Variants in RC3H1 observed in about 807,000 individuals in gnomAD.
RC3H1 encodes ring finger and CCCH-type domains 1, also known as roquin-1.
In RC3H1, 50 loss-of-function variants were observed where a neutral mutation model predicts 138.2. That is an observed-to-expected ratio of 0.36 (90% confidence interval 0.29 to 0.46). The LOEUF (loss-of-function observed/expected upper bound fraction) is 0.46. Ranked by LOEUF, RC3H1 falls within the 20% of genes least tolerant of loss-of-function variation. RC3H1 has a pLI of 1.00. For missense variants in RC3H1, 1,031 were observed against 1,388.1 expected (o/e 0.74, Z 4.09); for synonymous variants, 462 against 489.1 (o/e 0.94, Z 0.73).
intron 15 of RC3H1, 104 bp from the exon 16 acceptor site, chr1:173,946,940 G>A (rs1659162308): frequency 2.6e-6 from 2 of 759,782 alleles, no homozygotes; most frequent in Admixed American, 2.5e-5. Context: ...CAGGTATCTG[G>A]TATCTACCCT....
rs1028214603 is a variant in RC3H1 at position 173,933,738 on chromosome 1, G to A, written c.*4983C>T. 1.3e-5 allele frequency: 2 copies of A among 152,164 alleles called. No homozygotes were observed. The highest frequency in any genetic ancestry group is 2.9e-5 in the Non-Finnish European group (2 of 68,000). 9.4% of individuals were successfully genotyped at this position (152,164 alleles called of 1,614,324 possible). ...CTGTCCAAGGTAGAAAGGTATGAAT[G>A]TGGATCAGCAAAATGGGCACTCAGG... On this transcript the variant is annotated 3_prime_UTR_variant, in exon 20 of 20. Transcript: ENST00000367696.
At chr1:173,986,406 C>A (rs899105516) in intron 2 of RC3H1, among the ~76,000 whole-genome samples, 2 of 152,288 alleles carry the variant, frequency 1.3e-5, no homozygotes, top group African/African-American at 4.8e-5. Context: ...GGCTGGAGTG[C>A]CGTGGCAGCA....
At position 173,943,634 on chromosome 1, in the gene RC3H1, C is replaced by T. The variant is rs1275375109; in HGVS notation, c.2962-19G>A. ...TAACAGCCTAGTGCATAAAGCCAAG[C>T]ACACAGAAAACTCAACACACTTCAC... On this transcript the variant is annotated intron_variant, in intron 17 of 19. Transcript: ENST00000367696. The T allele has an allele frequency of 3.1e-6, 5 of 1,600,342 alleles. No individual in the cohort carries two copies. The highest frequency in any genetic ancestry group is 3.4e-6 in the Non-Finnish European group (4 of 1,173,358).
intron 14 of RC3H1, among the ~76,000 whole-genome samples, chr1:173,950,958 G>A (rs146393465): frequency 6.6e-6 from 1 of 152,128 alleles, no homozygotes; most frequent in East Asian, 1.9e-4. Flanking sequence ...AGGAGTTTGA[G>A]GTTACAGTGA....
At position 173,938,804 on chromosome 1, in the gene RC3H1, G is replaced by C. The variant is rs1658704634; in HGVS notation, c.3319C>G (p.Leu1107Val). 6.2e-7 allele frequency: 1 copy of C among 1,613,776 alleles called. No homozygotes were observed. Among genetic ancestry groups the C allele is most frequent in the African/African-American group, 1.3e-5 (1 of 74,942 alleles). The change falls in exon 20 of 20, where the codon CTG becomes GTG. Residue 1107 changes from leucine to valine, a missense_variant. Physicochemically the swap from Leu to Val is conservative, Grantham distance 32. Coordinates refer to ENST00000367696, the MANE Select transcript of RC3H1 (RefSeq NM_172071.4). ...ISLLSNKTSS[L>V]NLSEDPEGGG... ...CCCTCAGGGTCCTCTGACAGGTTCA[G>C]AGAGCTGGTCTTGTTTGATAGGAGG...
At position 173,978,610 on chromosome 1, in the gene RC3H1, G is replaced by A; in HGVS notation, c.980C>T (p.Pro327Leu). ...CTGAACACTCTGTGCAAAAGAGGCT[G>A]GAGTCTGCAACTTAAAAAAGATAAA... ...MQSIIDKLQT[P>L]ASFAQSVQEL... Residue 327 changes from proline (P) to leucine (L), a missense_variant, in exon 7 of 20, where the codon CCA (proline) becomes CTA (leucine). By Grantham distance (98) the Pro-to-Leu change is moderately conservative. This residue lies in a region of RC3H1 where 142 missense variants were observed against 224.6 expected (regional missense o/e 0.63). Coordinates refer to ENST00000367696, the MANE Select transcript of RC3H1 (RefSeq NM_172071.4). The A allele has an allele frequency of 6.2e-7, 1 of 1,610,796 alleles. No individual in the cohort carries two copies. Among genetic ancestry groups the A allele is most frequent in the Non-Finnish European group, 8.5e-7 (1 of 1,178,680 alleles).
chr1:173,985,687 C>A (rs890397448), intron 2 of RC3H1, among the ~76,000 whole-genome samples: 6 of 151,850 alleles, frequency 4.0e-5, no homozygotes, highest in African/African-American at 1.2e-4. Flanking sequence ...CAATGTATTA[C>A]TATTTATAGT....
At chr1:173,966,726 A>C (rs1456018994) in intron 9 of RC3H1, among the ~76,000 whole-genome samples, 1 of 151,988 alleles carries the variant, frequency 6.6e-6, no homozygotes, top group Non-Finnish European at 1.5e-5. Context: ...AAAAACAAAA[A>C]AAAAAAGTAA....
intron 6 of RC3H1, among the ~76,000 whole-genome samples, chr1:173,980,278 T>TGG: frequency 7.8e-6 from 1 of 127,812 alleles, no homozygotes. Flanking sequence ...AAAAAAAAGG[T>TGG]GGGGGGGAAT....
chr1:174,020,147 A>AC (rs1661932048), intron 1 of RC3H1, among the ~76,000 whole-genome samples: 1 of 151,560 alleles, frequency 6.6e-6, no homozygotes, highest in African/African-American at 2.4e-5. Flanking sequence ...AAAAAAAAAA[A>AC]AATCACAGAT....
intron 14 of RC3H1, among the ~76,000 whole-genome samples, chr1:173,951,279 C>T (rs1333576134): frequency 4.6e-5 from 7 of 152,144 alleles, no homozygotes; most frequent in South Asian, 2.1e-4. Flanking sequence ...GAGCCGAGAT[C>T]GCGCCATTGA....
intron 1 of RC3H1, among the ~76,000 whole-genome samples, chr1:174,000,938 A>G (rs1000283851): frequency 1.3e-5 from 2 of 152,208 alleles, no homozygotes; most frequent in African/African-American, 4.8e-5. Context: ...TGATTGTAAA[A>G]ATACATCTTC....
intron 1 of RC3H1, among the ~76,000 whole-genome samples, chr1:174,004,801 C>T (rs1372049942): frequency 4.0e-5 from 6 of 151,874 alleles, no homozygotes; most frequent in African/African-American, 1.2e-4. Context: ...AAAAGTCTAT[C>T]GGGCTAATGG....
chr1:174,010,602 C>T (rs774738496), intron 1 of RC3H1, among the ~76,000 whole-genome samples: 37 of 152,002 alleles, frequency 2.4e-4, no homozygotes, highest in Non-Finnish European at 4.6e-4. Flanking sequence ...TTTTTATAGA[C>T]GAGGTCTCAC....
chr1:173,959,551 A>G (rs1010272092), intron 13 of RC3H1, among the ~76,000 whole-genome samples: 1 of 152,070 alleles, frequency 6.6e-6, no homozygotes, highest in African/African-American at 2.4e-5. Flanking sequence ...CGGGCAGATC[A>G]CCTGAGGTCA....
chr1:173,966,693 C>A (rs570821696), intron 9 of RC3H1, among the ~76,000 whole-genome samples: 2 of 149,850 alleles, frequency 1.3e-5, no homozygotes, highest in African/African-American at 4.9e-5. Context: ...CCAGCCTGGG[C>A]GACAGAGCGA....
chr1:173,955,244 A>AT, intron 13 of RC3H1, among the ~76,000 whole-genome samples: 1 of 139,538 alleles, frequency 7.2e-6, no homozygotes, highest in Non-Finnish European at 1.5e-5. Flanking sequence ...AAAAAAAAAA[A>AT]GAGAAACCAC....
intron 1 of RC3H1, among the ~76,000 whole-genome samples, chr1:174,007,631 T>A (rs1008105240): frequency 1.3e-5 from 2 of 151,972 alleles, no homozygotes; most frequent in African/African-American, 4.8e-5. Context: ...GCCGGGCAAC[T>A]TTTTACAATT....
intron 1 of RC3H1, chr1:174,016,051 T>G (rs1396027561): frequency 6.6e-6 from 1 of 151,620 alleles, no homozygotes; most frequent in East Asian, 1.9e-4. Context: ...AAATACAAAA[T>G]TTGGCCGGGC....
Sources: gnomAD v4.1 joint callset for allele counts (sites outside exome capture counted in the v4.1 genomes callset) on GRCh38, gnomAD v4.1.1 for gene constraint, gnomAD v4.1.1 regional missense constraint, MANE v1.5 for transcripts, NCBI Gene and HGNC (gene_info 2026-07-23, HGNC 2026-07-21) for gene names.